CNTNAP2: variants seen among roughly 807,000 people sequenced by gnomAD.
CNTNAP2 encodes the protein contactin associated protein 2.
In CNTNAP2, 98 loss-of-function variants were observed where a neutral mutation model predicts 155.2. That is an observed-to-expected ratio of 0.63 (90% confidence interval 0.54 to 0.75). CNTNAP2 has a LOEUF of 0.75. CNTNAP2 is among the 30% of genes least tolerant of loss of function. The probability of loss-of-function intolerance (pLI) is 0.00; values close to 1 mark genes in which losing one functional copy is unlikely to be tolerated. For missense variants in CNTNAP2, 1,727 were observed against 1,688.1 expected (o/e 1.02, Z -0.40); for synonymous variants, 651 against 631.2 (o/e 1.03, Z -0.47).
chr7:147,982,360 G>A (rs946649067), intron 15 of CNTNAP2, among the ~76,000 whole-genome samples: 8 of 152,140 alleles, frequency 5.3e-5, no homozygotes, highest in East Asian at 1.9e-4. Context: ...TCCAGAAAAT[G>A]TCTTATTCAA....
At chr7:146,277,846 T>A (rs895430070) in intron 1 of CNTNAP2, among the ~76,000 whole-genome samples, 1 of 152,192 alleles carries the variant, frequency 6.6e-6, no homozygotes, top group African/African-American at 2.4e-5. Flanking sequence ...CATTAAATTA[T>A]CCCTGGCATA....
intron 1 of CNTNAP2, among the ~76,000 whole-genome samples, chr7:146,444,525 A>G (rs1052530966): frequency 6.6e-6 from 1 of 152,172 alleles, no homozygotes. Flanking sequence ...GTAATGGATG[A>G]GCCATTGCAA....
chr7:147,159,526 A>T (rs1351031817), intron 8 of CNTNAP2, among the ~76,000 whole-genome samples: 1 of 152,140 alleles, frequency 6.6e-6, no homozygotes, highest in Non-Finnish European at 1.5e-5. Context: ...CATATAACCA[A>T]CTCTATTCAT....
chr7:146,523,777 G>A (rs111548977), intron 1 of CNTNAP2, among the ~76,000 whole-genome samples: 9,679 of 152,080 alleles, frequency 0.064, 758 homozygotes, highest in African/African-American at 0.19. Flanking sequence ...GGCTAATTCC[G>A]ATAATTTTCA....
chr7:146,833,005 A>C (rs1803543681), intron 2 of CNTNAP2, among the ~76,000 whole-genome samples: 1 of 152,036 alleles, frequency 6.6e-6, no homozygotes, highest in Admixed American at 6.6e-5. Flanking sequence ...TTAGCTCACT[A>C]ATTATTTCTT....
At chr7:147,694,073 G>A (rs1442543284) in intron 13 of CNTNAP2, among the ~76,000 whole-genome samples, 2 of 151,886 alleles carry the variant, frequency 1.3e-5, no homozygotes, top group African/African-American at 4.8e-5. Context: ...AGTGGGTACT[G>A]GATTTTGTCA....
chr7:146,926,258 T>C (rs1278978661), intron 3 of CNTNAP2, among the ~76,000 whole-genome samples: 40 of 152,092 alleles, frequency 2.6e-4, no homozygotes, highest in Admixed American at 2.6e-3. Flanking sequence ...CATTTGTGTG[T>C]GTGTGTGTGT....
intron 12 of CNTNAP2, among the ~76,000 whole-genome samples, chr7:147,576,097 T>G (rs113116507): frequency 2.1e-4 from 19 of 91,022 alleles, no homozygotes; most frequent in Non-Finnish European, 3.5e-4. Context: ...ATTACTATTA[T>G]TATTATTTGA....
intron 3 of CNTNAP2, among the ~76,000 whole-genome samples, chr7:146,953,378 T>C (rs1797362021): frequency 6.6e-6 from 1 of 151,968 alleles, no homozygotes; most frequent in Admixed American, 6.6e-5. Context: ...AGTTTTCTCA[T>C]GTTTAACGAG....
intron 3 of CNTNAP2, among the ~76,000 whole-genome samples, chr7:147,013,701 A>G (rs1202076691): frequency 6.6e-6 from 1 of 152,032 alleles, no homozygotes; most frequent in Non-Finnish European, 1.5e-5. Flanking sequence ...TCAGAAAGTA[A>G]TCATCATTGT....
At chr7:148,057,991 T>C (rs1339222688) in intron 15 of CNTNAP2, among the ~76,000 whole-genome samples, 1 of 149,486 alleles carries the variant, frequency 6.7e-6, no homozygotes, top group Non-Finnish European at 1.5e-5. Flanking sequence ...TTATTATTGT[T>C]ATTATTTGCT....
chr7:147,027,444 T>C (rs914208936), intron 3 of CNTNAP2, among the ~76,000 whole-genome samples: 6 of 152,240 alleles, frequency 3.9e-5, no homozygotes, highest in Non-Finnish European at 7.3e-5. Flanking sequence ...AAGTCAATTA[T>C]GTTAATTTGT....
In CNTNAP2 at chr7:146,323,460, A is replaced by G. The variant is rs190802479; in HGVS notation, c.97+206487A>G. Among the ~76,000 whole-genome samples, 262 of 152,262 alleles carry G rather than the reference A, an allele frequency of 1.7e-3. 1 individual carries two copies. The highest frequency in any genetic ancestry group is 6.2e-3 in the African/African-American group (256 of 41,556). ...GATTTTGACAGAGACCAAGGACAAC[A>G]GCTATGAAAGTTAACGGCTATATAG... On this transcript the variant is annotated intron_variant, in intron 1 of 23. Transcript: ENST00000361727.
At chr7:146,615,624 G>A (rs1192624716) in intron 1 of CNTNAP2, among the ~76,000 whole-genome samples, 1 of 152,152 alleles carries the variant, frequency 6.6e-6, no homozygotes, top group East Asian at 1.9e-4. Flanking sequence ...GACTCTTTCT[G>A]AAGGCTTTTC....
At chr7:146,822,258 G>T (rs148098235) in intron 2 of CNTNAP2, among the ~76,000 whole-genome samples, 10 of 152,084 alleles carry the variant, frequency 6.6e-5, no homozygotes, top group African/African-American at 9.6e-5. Context: ...ACTCATATGT[G>T]GGAATTGAAC....
chr7:147,703,271 T>TCA (rs1796263123), intron 13 of CNTNAP2, among the ~76,000 whole-genome samples: 1 of 152,196 alleles, frequency 6.6e-6, no homozygotes, highest in Non-Finnish European at 1.5e-5. Flanking sequence ...CTACTAGTTC[T>TCA]CACACACTGG....
intron 2 of CNTNAP2, among the ~76,000 whole-genome samples, chr7:146,781,123 G>C (rs551129106): frequency 6.6e-6 from 1 of 151,858 alleles, no homozygotes; most frequent in Non-Finnish European, 1.5e-5. Flanking sequence ...AGCTACTCGG[G>C]AGGCTGAGAC....
At chr7:147,948,828 C>T (rs886893367) in intron 14 of CNTNAP2, among the ~76,000 whole-genome samples, 1 of 151,910 alleles carries the variant, frequency 6.6e-6, no homozygotes, top group Admixed American at 6.6e-5. Context: ...CATAAACAAT[C>T]GACTACCACA....
At chr7:146,537,137 A>T (rs1280999347) in intron 1 of CNTNAP2, among the ~76,000 whole-genome samples, 3 of 152,140 alleles carry the variant, frequency 2.0e-5, no homozygotes, top group Non-Finnish European at 4.4e-5. Flanking sequence ...AAGTTTTGAT[A>T]GATAAGAAAT....
Sources: gnomAD v4.1 joint callset for allele counts (sites outside exome capture counted in the v4.1 genomes callset) on GRCh38, gnomAD v4.1.1 for gene constraint, MANE v1.5 for transcripts, NCBI Gene and HGNC (gene_info 2026-07-23, HGNC 2026-07-21) for gene names.